TFEB: variants seen among roughly 807,000 people sequenced by gnomAD.
TFEB encodes transcription factor EB, also known as T-cell transcription factor EB.
TFEB carries 12 observed loss-of-function variants against 48.0 expected under a neutral mutation model. The ratio of observed to expected loss-of-function variants is 0.25; its 90% CI spans 0.16 to 0.40. The LOEUF (loss-of-function observed/expected upper bound fraction) is 0.40, where lower values mean the gene tolerates loss of function less well. Among genes scored for constraint, TFEB ranks in the 10% least tolerant of loss-of-function variants. TFEB has a pLI of 1.00. For missense variants in TFEB, 509 were observed against 640.3 expected, an observed-to-expected ratio of 0.79 and a Z score of 2.21; for synonymous variants, 244 against 261.4, an observed-to-expected ratio of 0.93 and a Z score of 0.64.
chr6:41,716,866 C>G (rs1447028076), intron 1 of TFEB, among the ~76,000 whole-genome samples: 1 of 152,234 alleles, frequency 6.6e-6, no homozygotes, highest in Non-Finnish European at 1.5e-5. Flanking sequence ...GCCCATCACT[C>G]AGAGTCCCCC....
At chr6:41,703,032 G>T (rs928427007) in intron 1 of TFEB, among the ~76,000 whole-genome samples, 1 of 152,212 alleles carries the variant, frequency 6.6e-6, no homozygotes, top group Non-Finnish European at 1.5e-5. Context: ...GCCAGGCACC[G>T]GTTTCACTGT....
rs773232724 is a variant in TFEB, at chr6:41,723,939, G to C, written c.-23+11411C>G. 1 of 512,716 alleles carries C rather than the reference G, an allele frequency of 2.0e-6. No homozygotes were observed. The highest frequency in any genetic ancestry group is 3.9e-6 in the Non-Finnish European group (1 of 257,338). The allele number at this position is 512,716 out of a possible 1,614,324, so 31.8% of individuals were successfully genotyped here. On this transcript the variant is annotated intron_variant, in intron 1 of 8. Transcript: ENST00000373033. This position sits in a 1 kb window ranked among gnomAD's most constrained non-coding sequence, Gnocchi z 6.0. ...CCTAACCCCAGCCCCGCTTCCTAGA[G>C]ACATGTGTCCTTCTAGCCAGAAGCC...
At chr6:41,719,838 G>A (rs1770902403) in intron 1 of TFEB, among the ~76,000 whole-genome samples, 1 of 152,110 alleles carries the variant, frequency 6.6e-6, no homozygotes, top group South Asian at 2.1e-4. Context: ...AGGCCCTCAG[G>A]CCAGCTCTCC....
intron 1 of TFEB, chr6:41,735,027 G>C (rs575435442): frequency 7.8e-5 from 77 of 985,310 alleles, no homozygotes; most frequent in Admixed American, 4.3e-4. Flanking sequence ...TCGACTCCCA[G>C]CTCCGGGCCG....
chr6:41,714,161 G>GTGTGCA (rs1442873648), intron 1 of TFEB, among the ~76,000 whole-genome samples: 1 of 134,578 alleles, frequency 7.4e-6, no homozygotes, highest in Non-Finnish European at 1.5e-5. Flanking sequence ...ATGTGCATGC[G>GTGTGCA]TGTGCATGTG....
chr6:41,686,191 A>G lies in TFEB; in HGVS notation c.850T>C (p.Tyr284His). The change falls in exon 8 of 9, where the codon TAC becomes CAC. Residue 284 changes from tyrosine (Y) to histidine (H), a missense_variant. Coordinates refer to ENST00000373033, the MANE Select transcript of TFEB (RefSeq NM_001271944.2). Reference sequence around the variant, plus strand: ...AGGTCCTTCTGCATCCTCCGGATGTAATCCACAGAGGCCTTGAGGATGGTG... The same window carrying G: ...AGGTCCTTCTGCATCCTCCGGATGTGATCCACAGAGGCCTTGAGGATGGTG... ...KGTILKASVD[Y>H]IRRMQKDLQK... 1 of 1,614,262 alleles carries G rather than the reference A, an allele frequency of 6.2e-7. No individual in the cohort carries two copies.
At chr6:41,726,892 CA>C (rs1237966546) in intron 1 of TFEB, among the ~76,000 whole-genome samples, 4 of 152,142 alleles carry the variant, frequency 2.6e-5, no homozygotes, top group African/African-American at 9.7e-5. Flanking sequence ...TTTCGCAAAA[CA>C]CTATAATTAG....
chr6:41,702,666 C>G (rs1241746568), intron 1 of TFEB, among the ~76,000 whole-genome samples: 1 of 152,214 alleles, frequency 6.6e-6, no homozygotes, highest in Admixed American at 6.5e-5. Context: ...AGGCCTAAGA[C>G]TCTATCTGAT....
At chr6:41,735,231 C>G in intron 1 of TFEB, 119 bp downstream of exon 1, 1 of 933,070 alleles carries the variant, frequency 1.1e-6, no homozygotes, top group Non-Finnish European at 1.3e-6. Context: ...CTGCTTCCCT[C>G]TCCTGCCGGC....
chr6:41,695,094 A>C (rs905167426), intron 1 of TFEB, among the ~76,000 whole-genome samples: 2 of 152,180 alleles, frequency 1.3e-5, no homozygotes, highest in Non-Finnish European at 2.9e-5. Context: ...CACTGCCCCT[A>C]CTGGCTAGGC....
chr6:41,696,509 G>A (rs566465956), intron 1 of TFEB, among the ~76,000 whole-genome samples: 44 of 152,020 alleles, frequency 2.9e-4, no homozygotes, highest in African/African-American at 9.9e-4. Context: ...CCTGGCCAAC[G>A]TGGTGAAACC....
upstream of TFEB, chr6:41,736,030 C>A (rs907021146): frequency 5.1e-6 from 7 of 1,368,402 alleles, no homozygotes. Context: ...GCACTTTTAT[C>A]CCTGCCCCGA....
intron 1 of TFEB, among the ~76,000 whole-genome samples, chr6:41,706,804 A>G (rs2127239045): frequency 7.0e-6 from 1 of 142,776 alleles, no homozygotes; most frequent in Middle Eastern, 3.5e-3. Flanking sequence ...GCTGTCCCCC[A>G]ACCTGCCCCC....
At chr6:41,704,192 A>G (rs1581904261) in intron 1 of TFEB, among the ~76,000 whole-genome samples, 1 of 151,922 alleles carries the variant, frequency 6.6e-6, no homozygotes, top group African/African-American at 2.4e-5. Flanking sequence ...AGAGCCTCTG[A>G]CCCCGCCTCC....
chr6:41,736,215 TG>T, upstream of TFEB: 1 of 1,612,222 alleles, frequency 6.2e-7, no homozygotes, highest in Non-Finnish European at 8.5e-7. Context: ...CTTCCCTTGT[TG>T]GAAGTTCACA....
intron 4 of TFEB, chr6:41,688,315 G>A: frequency 2.9e-6 from 1 of 348,024 alleles, no homozygotes; most frequent in East Asian, 4.4e-5. Context: ...AAGCCCTAGA[G>A]CAGGTCATCT....
Position 41,691,097 on chromosome 6 carries a change from C to T in TFEB, c.117G>A (p.Gln39=). The change falls in exon 2 of 9, where the codon CAG becomes CAA. Residue 39 remains glutamine, a synonymous_variant. Transcript: ENST00000373033. The surrounding 1 kb of genome is among the most constrained non-coding windows in gnomAD (Gnocchi z 5.2). ...AVMHYMQQQQ[Q]QQQQQLGGPP... ...GCCCTCCGAGCTGCTGCTGTTGCTG[C>T]TGCTGCTGCTGCTGCATGTAATGCA... is the stretch of plus-strand genomic sequence containing the variant. 6.3e-7 allele frequency: 1 copy of T among 1,577,000 alleles called. No individual in the cohort carries two copies. Among genetic ancestry groups the T allele is most frequent in the Non-Finnish European group, 8.6e-7 (1 of 1,160,058 alleles).
chr6:41,709,526 T>A (rs1048030228), intron 1 of TFEB, among the ~76,000 whole-genome samples: 1 of 138,468 alleles, frequency 7.2e-6, no homozygotes, highest in Non-Finnish European at 1.5e-5. Flanking sequence ...GATATAATGG[T>A]TGGTGGATGG....
intron 4 of TFEB, among the ~76,000 whole-genome samples, chr6:41,689,487 C>G (rs1293837812): frequency 6.6e-6 from 1 of 152,236 alleles, no homozygotes; most frequent in African/African-American, 2.4e-5. Context: ...ACTCCGTGTC[C>G]CCAGCCCCTT....
Sources: gnomAD v4.1 joint callset for allele counts (sites outside exome capture counted in the v4.1 genomes callset) on GRCh38, gnomAD v4.1.1 for gene constraint, Gnocchi (gnomAD v3.1) non-coding constraint, MANE v1.5 for transcripts, NCBI Gene and HGNC (gene_info 2026-07-23, HGNC 2026-07-21) for gene names.